SSH2: variants seen among roughly 807,000 people sequenced by gnomAD.
SSH2 encodes the protein slingshot protein phosphatase 2.
Under a neutral mutation model 135.2 loss-of-function variants are expected in SSH2, and 37 were observed. That is an observed-to-expected ratio of 0.27 (90% CI 0.21 to 0.36). SSH2 has a LOEUF of 0.36. SSH2 is among the 10% of genes least tolerant of loss of function. The pLI, the probability that SSH2 is intolerant of heterozygous loss-of-function variation, is 1.00. For synonymous variants in SSH2, 628 were observed against 646.2 expected, an observed-to-expected ratio of 0.97 and a Z score of 0.43; for missense variants, 1,408 against 1,765.3, an observed-to-expected ratio of 0.80 and a Z score of 3.63.
At chr17:29,716,777 T>C in intron 3 of SSH2, 1 of 429,266 alleles carries the variant, frequency 2.3e-6, no homozygotes, top group Admixed American at 3.1e-5. Flanking sequence ...CCCCATTTTC[T>C]TCCCTTGCCA....
intron 1 of SSH2, chr17:29,925,602 A>AG: frequency 2.5e-6 from 1 of 397,222 alleles, no homozygotes; most frequent in Non-Finnish European, 4.4e-6. Context: ...CCAGATACTC[A>AG]GGGGGCTGAG....
intron 3 of SSH2, among the ~76,000 whole-genome samples, chr17:29,725,087 C>T (rs912314599): frequency 2.7e-5 from 4 of 150,196 alleles, no homozygotes. Context: ...GTGGCTCACG[C>T]CTGTAATCCC....
At chr17:29,717,428 G>A (rs577143967) in intron 3 of SSH2, among the ~76,000 whole-genome samples, 7 of 152,194 alleles carry the variant, frequency 4.6e-5, no homozygotes, top group Non-Finnish European at 8.8e-5. Context: ...GAGCCACTGC[G>A]CTCAGCCCAT....
chr17:29,875,560 C>T (rs890382951), intron 1 of SSH2, among the ~76,000 whole-genome samples: 3 of 152,174 alleles, frequency 2.0e-5, no homozygotes, highest in Non-Finnish European at 2.9e-5. Flanking sequence ...GAAAACCTTT[C>T]AGTTGTATTC....
chr17:29,785,966 G>A (rs1298965065), intron 3 of SSH2, among the ~76,000 whole-genome samples: 2 of 151,890 alleles, frequency 1.3e-5, no homozygotes, highest in African/African-American at 2.4e-5. Flanking sequence ...CATCACGCCC[G>A]GCTAGTTTTT....
intron 1 of SSH2, among the ~76,000 whole-genome samples, chr17:29,918,627 TAA>T (rs1292691104): frequency 6.6e-6 from 1 of 152,226 alleles, no homozygotes; most frequent in Non-Finnish European, 1.5e-5. Flanking sequence ...CCCTGTGCCT[TAA>T]GTTCTTGCTT....
rs1423407999 is a variant in SSH2, at chr17:29,630,621, T to C, written c.*220A>G. Reference sequence around the variant, plus strand: ...TTTTTTGAGGTTTGATTTTTTTAAATAAAAAATGATAAACGGTCTTGCCAT... The same window carrying C: ...TTTTTTGAGGTTTGATTTTTTTAAACAAAAAATGATAAACGGTCTTGCCAT... On this transcript the variant is annotated 3_prime_UTR_variant, in exon 16 of 16. Coordinates refer to ENST00000540801, the MANE Select transcript of SSH2 (RefSeq NM_001282129.2). The C allele has an allele frequency of 2.7e-6, 1 of 371,398 alleles. No homozygotes were observed. Among genetic ancestry groups the C allele is most frequent in the Non-Finnish European group, 4.7e-6 (1 of 212,810 alleles). 23.0% of individuals were successfully genotyped at this position (371,398 alleles called of 1,614,324 possible).
At chr17:29,887,355 A>G (rs2066257967) in intron 1 of SSH2, among the ~76,000 whole-genome samples, 1 of 152,210 alleles carries the variant, frequency 6.6e-6, no homozygotes, top group Non-Finnish European at 1.5e-5. Flanking sequence ...AGAATAAACA[A>G]AAACAAAACA....
At chr17:29,779,832 A>AAAAAAG (rs2041800362) in intron 3 of SSH2, among the ~76,000 whole-genome samples, 2 of 148,154 alleles carry the variant, frequency 1.3e-5, no homozygotes, top group Non-Finnish European at 3.0e-5. Context: ...AAAAAAAAAA[A>AAAAAAG]AAAAAAAAGA....
In SSH2 at chr17:29,702,963, A is replaced by T; in HGVS notation, c.288T>A (p.His96Gln). ...TGGTGTATATGCAAGCATTACCTGC[A>T]TGCTTGTTCCGTCTGTGGCTGATTC... ...TPRISHRRNKHAGDLQQHLQA... is the reference protein window; with the variant it reads ...TPRISHRRNKQAGDLQQHLQA... The change falls in exon 4 of 16, where the codon CAT becomes CAA. Residue 96 changes from histidine (H) to glutamine (Q), a missense_variant. Transcript: ENST00000540801. 6.2e-7 allele frequency: 1 copy of T among 1,611,996 alleles called. No individual in the cohort carries two copies.
chr17:29,758,344 C>T (rs1472734501), intron 3 of SSH2, among the ~76,000 whole-genome samples: 12 of 152,196 alleles, frequency 7.9e-5, no homozygotes, highest in Non-Finnish European at 1.8e-4. Flanking sequence ...ACTTACTACC[C>T]ATGCGGCCTT....
intron 3 of SSH2, among the ~76,000 whole-genome samples, chr17:29,757,666 G>A (rs1464362971): frequency 1.3e-5 from 2 of 150,906 alleles, no homozygotes; most frequent in African/African-American, 4.9e-5. Context: ...CAAGGCAGGA[G>A]GATCACTTGA....
chr17:29,672,706 G>A (rs140771721), intron 8 of SSH2, among the ~76,000 whole-genome samples: 4 of 152,130 alleles, frequency 2.6e-5, no homozygotes, highest in African/African-American at 9.6e-5. Context: ...AACAGATCTG[G>A]TTATTCTTTT....
At chr17:29,635,226 C>T (rs963318492) in intron 15 of SSH2, among the ~76,000 whole-genome samples, 2 of 151,950 alleles carry the variant, frequency 1.3e-5, no homozygotes, top group African/African-American at 4.8e-5. Flanking sequence ...AGCAGGAACT[C>T]AGCATGGGAA....
Position 29,930,113 on chromosome 17 carries a change from GGGA to G in SSH2, c.-116_-114del. On this transcript the variant is annotated 5_prime_UTR_variant, in exon 1 of 16. Coordinates refer to ENST00000540801, the MANE Select transcript of SSH2 (RefSeq NM_001282129.2). ...GTGCGGGGTGGGGGTGAAGGGAACG[GGGA>G]GGAGGAGGAGGCCGCGGGAACGGCC... is the stretch of plus-strand genomic sequence containing the variant. 21 of 973,228 alleles carry G rather than the reference GGGA, an allele frequency of 2.2e-5. No individual in the cohort carries two copies. The highest frequency in any genetic ancestry group is 9.2e-5 in the South Asian group (6 of 65,126). The allele number at this position is 973,228 out of a possible 1,614,324, so 60.3% of individuals were successfully genotyped here. A position where few individuals can be genotyped will look rare whatever the true frequency, so the allele number is the denominator to read the frequency against.
intron 9 of SSH2, among the ~76,000 whole-genome samples, chr17:29,671,610 T>A (rs748841130): frequency 6.6e-6 from 1 of 152,364 alleles, no homozygotes; most frequent in South Asian, 2.1e-4. Context: ...AAAATGATTC[T>A]TTCAGATAAT....
intron 1 of SSH2, among the ~76,000 whole-genome samples, chr17:29,877,630 C>A (rs2066057984): frequency 6.6e-6 from 1 of 152,076 alleles, no homozygotes; most frequent in Non-Finnish European, 1.5e-5. Flanking sequence ...CACAGAAAGA[C>A]AAACATCTTG....
chr17:29,706,779 G>A (rs1310556064), intron 3 of SSH2, among the ~76,000 whole-genome samples: 2 of 152,214 alleles, frequency 1.3e-5, no homozygotes, highest in Non-Finnish European at 2.9e-5. Context: ...GTGTATATTT[G>A]TTGAAGAGTT....
intron 1 of SSH2, among the ~76,000 whole-genome samples, chr17:29,927,897 T>C (rs2067096061): frequency 6.6e-6 from 1 of 152,214 alleles, no homozygotes. Flanking sequence ...TATTACATGA[T>C]CAATTTAATT....
Sources: allele counts gnomAD v4.1 joint callset (sites outside exome capture counted in the v4.1 genomes callset), GRCh38; gene constraint gnomAD v4.1.1; transcripts MANE v1.5; gene names NCBI Gene and HGNC (gene_info 2026-07-23, HGNC 2026-07-21).